SCML2: variants seen among roughly 807,000 people sequenced by gnomAD.
SCML2 encodes sex comb on midleg-like protein 2.
SCML2 carries 6 observed loss-of-function variants against 48.4 expected under a neutral mutation model. The observed-to-expected ratio is 0.12, with a 90% CI of 0.07 to 0.24. The LOEUF (loss-of-function observed/expected upper bound fraction) is 0.24. Ranked by LOEUF, SCML2 falls within the 10% of genes least tolerant of loss-of-function variation. SCML2 has a pLI of 1.00. For synonymous variants in SCML2, 181 were observed against 189.5 expected (o/e 0.95, Z 0.37); for missense variants, 377 against 528.2 (o/e 0.71, Z 2.81).
chrX:18,330,892 T>C (rs1285186624), intron 2 of SCML2, among the ~76,000 whole-genome samples: 1 of 111,140 alleles, frequency 9.0e-6, no homozygotes, highest in Non-Finnish European at 1.9e-5. Context: ...TTTTATTGTC[T>C]ATCTCATTCA....
intron 6 of SCML2, among the ~76,000 whole-genome samples, chrX:18,305,453 C>T (rs976888179): frequency 7.2e-5 from 8 of 111,443 alleles, no homozygotes; most frequent in African/African-American, 2.3e-4. Flanking sequence ...CAAAACCAGC[C>T]GGGTTCATTC....
chrX:18,321,141 T>G (rs1929304669), intron 5 of SCML2, among the ~76,000 whole-genome samples: 1 of 111,855 alleles, frequency 8.9e-6, no homozygotes, highest in African/African-American at 3.2e-5. Flanking sequence ...CTTTTCTGTA[T>G]GTTTGAAATT....
chrX:18,338,270 C>G (rs1168225977), intron 1 of SCML2, among the ~76,000 whole-genome samples: 1 of 109,552 alleles, frequency 9.1e-6, no homozygotes, highest in African/African-American at 3.3e-5. Context: ...ATGGTGAAAC[C>G]CCATCTCTAC....
chrX:18,317,300 G>C (rs1929154539), intron 6 of SCML2, among the ~76,000 whole-genome samples: 1 of 111,515 alleles, frequency 9.0e-6, no homozygotes, highest in African/African-American at 3.3e-5. Context: ...TCACTATAGA[G>C]CTGATCTAAA....
At chrX:18,288,904 G>T (rs1211627578) in intron 7 of SCML2, among the ~76,000 whole-genome samples, 1 of 111,274 alleles carries the variant, frequency 9.0e-6, no homozygotes, top group Non-Finnish European at 1.9e-5. Context: ...TGGTTTAAGG[G>T]GGGAGGAGTG....
In SCML2 at chrX:18,330,669, A is replaced by C. The variant is rs756891759; in HGVS notation, c.23-14T>G. 1 of 1,061,255 alleles carries C rather than the reference A, an allele frequency of 9.4e-7. No homozygotes were observed. Among genetic ancestry groups the C allele is most frequent in the East Asian group, 3.1e-5 (1 of 32,770 alleles). 87.5% of individuals were successfully genotyped at this position (1,061,255 alleles called of 1,213,427 possible). On this transcript the variant is annotated splice_polypyrimidine_tract_variant and intron_variant, in intron 2 of 14. Transcript: ENST00000251900. ...CATCCATGGAATCTAATAAAAAAGA[A>C]AATAGCAATACTGGGAGTCCACAGC... is the stretch of plus-strand genomic sequence containing the variant.
intron 7 of SCML2, among the ~76,000 whole-genome samples, chrX:18,277,658 A>G (rs1490155873): frequency 8.9e-6 from 1 of 112,025 alleles, no homozygotes; most frequent in Non-Finnish European, 1.9e-5. Flanking sequence ...TTTAATCAAA[A>G]TATTTTCTTC....
intron 5 of SCML2, 45 bp from the exon 6 acceptor site, chrX:18,320,465 G>T: frequency 1.2e-6 from 1 of 801,766 alleles, no homozygotes; most frequent in Non-Finnish European, 1.8e-6. Flanking sequence ...GCCTCCTTGT[G>T]ATACTATTAA....
intron 7 of SCML2, among the ~76,000 whole-genome samples, chrX:18,287,436 T>G (rs1928092861): frequency 8.9e-6 from 1 of 111,793 alleles, no homozygotes; most frequent in African/African-American, 3.2e-5. Context: ...GAAGAAACAC[T>G]TCATATATCT....
intron 12 of SCML2, 140 bp from the exon 13 acceptor site, chrX:18,246,968 T>C (rs1926469441): frequency 1.5e-5 from 9 of 605,218 alleles, no homozygotes; most frequent in Admixed American, 3.4e-5. Context: ...ACAAAGTTCA[T>C]GGCTATCCCC....
At chrX:18,334,788 A>C (rs1929757748) in intron 1 of SCML2, among the ~76,000 whole-genome samples, 1 of 112,348 alleles carries the variant, frequency 8.9e-6, no homozygotes, top group Non-Finnish European at 1.9e-5. Context: ...TGCTATAAAA[A>C]AATATGTACA....
chrX:18,325,558 C>T (rs1243078562), intron 3 of SCML2, among the ~76,000 whole-genome samples: 2 of 111,753 alleles, frequency 1.8e-5, no homozygotes, highest in Non-Finnish European at 3.8e-5. Context: ...AACCAGTCAT[C>T]AGTACAGTCA....
chrX:18,279,282 A>G (rs1927748348), intron 7 of SCML2, among the ~76,000 whole-genome samples: 1 of 112,899 alleles, frequency 8.9e-6, no homozygotes, highest in South Asian at 3.6e-4. Flanking sequence ...GGGCTAATAA[A>G]TACACCTATA....
At chrX:18,274,760 G>C (rs1263659662) in intron 7 of SCML2, among the ~76,000 whole-genome samples, 1 of 111,618 alleles carries the variant, frequency 9.0e-6, no homozygotes, top group African/African-American at 3.3e-5. Context: ...TTCCCCCTAG[G>C]ATAGGGCACT....
intron 8 of SCML2, among the ~76,000 whole-genome samples, chrX:18,263,163 C>T (rs1218319723): frequency 1.8e-5 from 2 of 108,263 alleles, no homozygotes; most frequent in Non-Finnish European, 3.8e-5. Flanking sequence ...TTACAATATG[C>T]CCTGGGGATT....
At chrX:18,311,398 C>T (rs1928943185) in intron 6 of SCML2, among the ~76,000 whole-genome samples, 1 of 108,478 alleles carries the variant, frequency 9.2e-6, no homozygotes, top group Non-Finnish European at 1.9e-5. Context: ...AAATGCTATG[C>T]AGAGAGAGAG....
intron 11 of SCML2, among the ~76,000 whole-genome samples, chrX:18,254,570 A>G (rs1223082361): frequency 8.9e-6 from 1 of 112,524 alleles, no homozygotes; most frequent in Non-Finnish European, 1.9e-5. Context: ...ATTTTCTTTA[A>G]AATCTTTCAA....
chrX:18,340,173 G>A (rs984720343), intron 1 of SCML2, among the ~76,000 whole-genome samples: 3 of 112,047 alleles, frequency 2.7e-5, no homozygotes, highest in African/African-American at 9.7e-5. Flanking sequence ...CCAGCACTCT[G>A]AGAGGCAAGG....
chrX:18,319,630 C>T (rs1261013786), intron 6 of SCML2, among the ~76,000 whole-genome samples: 3 of 107,407 alleles, frequency 2.8e-5, no homozygotes, highest in Admixed American at 1.0e-4. Context: ...AACCTGCTGA[C>T]ACCTTGATCT....
Sources: gnomAD v4.1 joint callset for allele counts (sites outside exome capture counted in the v4.1 genomes callset) on GRCh38, gnomAD v4.1.1 for gene constraint, MANE v1.5 for transcripts, NCBI Gene and HGNC (gene_info 2026-07-23, HGNC 2026-07-21) for gene names.